The following FBXW7 variants were observed in gnomAD, a reference collection of about 807,000 sequenced individuals.
FBXW7 encodes F-box/WD repeat-containing protein 7.
FBXW7 carries 11 observed loss-of-function variants against 86.3 expected under a neutral mutation model. That is an observed-to-expected ratio of 0.13 (90% CI 0.08 to 0.21). FBXW7 has a LOEUF of 0.21. FBXW7 is among the 10% of genes least tolerant of loss of function. The pLI is 1.00. For missense variants in FBXW7, 488 were observed against 847.4 expected, an observed-to-expected ratio of 0.58 and a Z score of 5.27; for synonymous variants, 313 against 297.9, an observed-to-expected ratio of 1.05 and a Z score of -0.52.
chr4:152,369,383 A>G (rs1286151678), intron 4 of FBXW7, among the ~76,000 whole-genome samples: 1 of 152,074 alleles, frequency 6.6e-6, no homozygotes, highest in Non-Finnish European at 1.5e-5. Flanking sequence ...TGCTTTTCTG[A>G]TATGAACTCC....
intron 2 of FBXW7, among the ~76,000 whole-genome samples, chr4:152,415,916 T>A (rs1738386371): frequency 6.6e-6 from 1 of 152,110 alleles, no homozygotes. Context: ...ACCATCCAAC[T>A]TAAAATAATA....
intron 2 of FBXW7, among the ~76,000 whole-genome samples, chr4:152,419,497 ACACACACACAC>A (rs1560874951): frequency 1.4e-4 from 21 of 145,150 alleles, no homozygotes; most frequent in Non-Finnish European, 1.2e-4. Flanking sequence ...TAAGGTAAAC[ACACACACACAC>A]ACACACACAC....
intron 2 of FBXW7, among the ~76,000 whole-genome samples, chr4:152,442,250 T>C (rs562569587): frequency 8.5e-5 from 13 of 152,234 alleles, no homozygotes; most frequent in African/African-American, 2.9e-4. Flanking sequence ...CAATCTACAG[T>C]GGTGGTTCTC....
intron 4 of FBXW7, among the ~76,000 whole-genome samples, chr4:152,354,107 CATT>C (rs1485170561): frequency 2.6e-5 from 4 of 152,010 alleles, no homozygotes; most frequent in Non-Finnish European, 4.4e-5. Flanking sequence ...ATAACTAAGA[CATT>C]ATGTCAATGC....
At chr4:152,534,229 A>C (rs756387671) in intron 2 of FBXW7, among the ~76,000 whole-genome samples, 1 of 152,028 alleles carries the variant, frequency 6.6e-6, no homozygotes, top group Non-Finnish European at 1.5e-5. Context: ...CTCAAACCAA[A>C]TAAAAAAGTG....
At chr4:152,521,671 G>C (rs2149731556) in intron 2 of FBXW7, among the ~76,000 whole-genome samples, 1 of 152,196 alleles carries the variant, frequency 6.6e-6, no homozygotes, top group African/African-American at 2.4e-5. Flanking sequence ...AGCTCTGAAG[G>C]GTAGATTGGA....
chr4:152,493,146 T>TAAA (rs1275474874), intron 2 of FBXW7, among the ~76,000 whole-genome samples: 4 of 151,810 alleles, frequency 2.6e-5, no homozygotes, highest in Non-Finnish European at 5.9e-5. Flanking sequence ...CCAAAGAGTT[T>TAAA]AAAGGATAGT....
At chr4:152,409,795 T>G (rs749384111) in intron 4 of FBXW7, among the ~76,000 whole-genome samples, 1 of 151,612 alleles carries the variant, frequency 6.6e-6, no homozygotes, top group Non-Finnish European at 1.5e-5. Flanking sequence ...TGTATATACA[T>G]AAATGCATAC....
At chr4:152,347,569 C>T (rs1405755664) in intron 5 of FBXW7, among the ~76,000 whole-genome samples, 1 of 152,014 alleles carries the variant, frequency 6.6e-6, no homozygotes, top group East Asian at 1.9e-4. Flanking sequence ...GCCTCAGATG[C>T]CTTCAAAATT....
intron 4 of FBXW7, among the ~76,000 whole-genome samples, chr4:152,385,749 T>G (rs1276050783): frequency 4.6e-5 from 7 of 152,052 alleles, no homozygotes; most frequent in Non-Finnish European, 1.0e-4. Flanking sequence ...TCAATTATTA[T>G]TTTTTTAAAT....
intron 4 of FBXW7, among the ~76,000 whole-genome samples, chr4:152,384,490 A>G (rs1735362560): frequency 6.6e-6 from 1 of 152,096 alleles, no homozygotes; most frequent in African/African-American, 2.4e-5. Context: ...GCATAGATAG[A>G]AAACAGAATC....
At chr4:152,504,964 G>A (rs75551037) in intron 2 of FBXW7, among the ~76,000 whole-genome samples, 2,085 of 152,072 alleles carry the variant, frequency 0.014, 25 homozygotes, top group Middle Eastern at 0.037. Context: ...GTCACGCATC[G>A]CCTCATGACA....
intron 12 of FBXW7, chr4:152,324,772 T>A: frequency 5.2e-6 from 1 of 194,088 alleles, no homozygotes; most frequent in Non-Finnish European, 1.1e-5. Flanking sequence ...ACTAGGAAGC[T>A]GAGACTAATG....
intron 2 of FBXW7, chr4:152,451,739 C>G (rs1170168603): frequency 6.6e-6 from 1 of 150,676 alleles, no homozygotes. Context: ...CTGCAGTGAG[C>G]TGTGACCGCA....
chr4:152,354,727 T>A (rs1055622703), intron 4 of FBXW7, among the ~76,000 whole-genome samples: 4 of 152,120 alleles, frequency 2.6e-5, no homozygotes, highest in Admixed American at 2.6e-4. Flanking sequence ...GGCTCCTACT[T>A]AGGGCTGTGA....
At chr4:152,367,312 T>A (rs1733581767) in intron 4 of FBXW7, among the ~76,000 whole-genome samples, 2 of 152,094 alleles carry the variant, frequency 1.3e-5, no homozygotes, top group Non-Finnish European at 1.5e-5. Context: ...TTCATATATA[T>A]TATATATATT....
intron 2 of FBXW7, among the ~76,000 whole-genome samples, chr4:152,476,002 A>T (rs958015767): frequency 6.6e-6 from 1 of 152,198 alleles, no homozygotes; most frequent in African/African-American, 2.4e-5. Flanking sequence ...ATTTATAAAG[A>T]AAATGCAAAG....
rs530804444 is a variant in FBXW7 at position 152,401,037 on chromosome 4, A to C, written c.501+10266T>G. On this transcript the variant is annotated intron_variant, in intron 4 of 13. Coordinates refer to ENST00000281708, the MANE Select transcript of FBXW7 (RefSeq NM_001349798.2). The stretch of plus-strand genomic sequence containing the variant: ...ATGGTCAAAATCCAGAACACTGACA[A>C]CACTATATGCCACTGAAGATGTGGA... 3.9e-5 allele frequency among the ~76,000 whole-genome samples: 6 copies of C among 152,344 alleles called. No homozygotes were observed. In the East Asian group the frequency reaches 1.2e-3, roughly 29 times the overall value.
In FBXW7 at chr4:152,535,427, C is replaced by T; in HGVS notation, c.-513G>A. 1 of 389,008 alleles carries T rather than the reference C, an allele frequency of 2.6e-6. No individual in the cohort carries two copies. The highest frequency in any genetic ancestry group is 4.5e-6 in the Non-Finnish European group (1 of 220,254). 24.1% of individuals were successfully genotyped at this position (389,008 alleles called of 1,614,324 possible). On this transcript the variant is annotated 5_prime_UTR_variant, in exon 1 of 14. Coordinates refer to ENST00000281708, the MANE Select transcript of FBXW7 (RefSeq NM_001349798.2). ...GGGGAGGGGGAAGGTGAGGAAAGGA[C>T]GGCGGCGTCGGTCCTGTTCTCTCCG...
Sources: allele counts gnomAD v4.1 joint callset (sites outside exome capture counted in the v4.1 genomes callset), GRCh38; gene constraint gnomAD v4.1.1; transcripts MANE v1.5; gene names NCBI Gene and HGNC (gene_info 2026-07-23, HGNC 2026-07-21).